ALMS1: variants seen among roughly 807,000 people sequenced by gnomAD.
ALMS1 encodes centrosome-associated protein ALMS1.
A neutral mutation model predicts 352.2 loss-of-function variants in ALMS1; 271 were observed. That is an observed-to-expected ratio of 0.77 (90% CI 0.70 to 0.85). The LOEUF is 0.85. Ranked by LOEUF, ALMS1 falls within the 40% of genes least tolerant of loss-of-function variation. The pLI is 0.00. For missense variants in ALMS1, 5,445 were observed against 4,870.7 expected (o/e 1.12, Z -3.51); for synonymous variants, 1,865 against 1,761.2 (o/e 1.06, Z -1.48).
intron 1 of ALMS1, among the ~76,000 whole-genome samples, chr2:73,393,099 A>G (rs1262921095): frequency 2.0e-5 from 3 of 152,144 alleles, no homozygotes; most frequent in Admixed American, 1.3e-4. Flanking sequence ...AGAAATATCT[A>G]TTCAGGTCAA....
chr2:73,494,101 GGCACTCA>G (rs1309543859), intron 10 of ALMS1, among the ~76,000 whole-genome samples: 1 of 152,184 alleles, frequency 6.6e-6, no homozygotes, highest in Non-Finnish European at 1.5e-5. Flanking sequence ...GATTCTATAA[GGCACTCA>G]TAATATGACA....
Position 73,412,249 on chromosome 2 carries a change from A to G in ALMS1, c.450+3502A>G, listed in dbSNP as rs75079162. On this transcript the variant is annotated intron_variant, in intron 2 of 22. Transcript: ENST00000613296. Reference sequence around the variant, plus strand: ...AGTTCCTGTGTGCCCCTTTGTAGTCAGTCACTTCCCCAACTCCTAGTCCCT... The same window carrying G: ...AGTTCCTGTGTGCCCCTTTGTAGTCGGTCACTTCCCCAACTCCTAGTCCCT... Among the ~76,000 whole-genome samples the G allele has an allele frequency of 1.2e-3, 186 of 152,338 alleles. No individual in the cohort carries two copies. In the East Asian group the frequency reaches 0.015, roughly 12 times the overall value.
In ALMS1 at chr2:73,448,152, T is replaced by C. The variant is rs1347176614; in HGVS notation, c.1625T>C (p.Leu542Ser). The change falls in exon 8 of 23, where the codon TTA becomes TCA. Residue 542 changes from leucine to serine, a missense_variant. Leu to Ser is a moderately radical substitution (Grantham distance 145). Transcript: ENST00000613296. The part of the protein sequence containing the change: ...QHTDTLNQKT[L>S]ADTHLTEETL... Reference sequence around the variant, plus strand: ...ACTGATACTCTCAACCAAAAGACATTAGCAGATACTCATCTAACTGAAGAG... The same window carrying C: ...ACTGATACTCTCAACCAAAAGACATCAGCAGATACTCATCTAACTGAAGAG... The C allele has an allele frequency of 6.2e-7, 1 of 1,614,038 alleles. No homozygotes were observed.
At position 73,554,432 on chromosome 2, in the gene ALMS1, G is replaced by A. The variant is rs117496887; in HGVS notation, c.10079-2788G>A. Among the ~76,000 whole-genome samples the A allele has an allele frequency of 5.8e-3, 888 of 152,092 alleles. 29 individuals carry two copies. The East Asian group carries it at 0.078, about 13-fold the overall frequency. ...GGAAATAGAGAAAGTAGGGCTGAGC[G>A]TGGTGGCTCATACCTGAAATCCCAG... On this transcript the variant is annotated intron_variant, in intron 13 of 22. Coordinates refer to ENST00000613296, the MANE Select transcript of ALMS1 (RefSeq NM_001378454.1).
intron 7 of ALMS1, among the ~76,000 whole-genome samples, chr2:73,445,773 T>C (rs1400067527): frequency 3.5e-5 from 2 of 57,228 alleles, no homozygotes; most frequent in Admixed American, 2.5e-4. Context: ...ACAACTTTGG[T>C]GTAGTATAGT....
intron 10 of ALMS1, among the ~76,000 whole-genome samples, chr2:73,503,270 C>T (rs1673253776): frequency 6.6e-6 from 1 of 151,932 alleles, no homozygotes; most frequent in Non-Finnish European, 1.5e-5. Context: ...CACAACAGTC[C>T]CCAGAGTGTG....
chr2:73,583,098 C>T (rs1401599133), intron 16 of ALMS1, among the ~76,000 whole-genome samples: 1 of 151,298 alleles, frequency 6.6e-6, no homozygotes, highest in Non-Finnish European at 1.5e-5. Context: ...TTTTGATTTG[C>T]ATTGCTCTTA....
intron 1 of ALMS1, 105 bp downstream of exon 1, chr2:73,386,297 C>T (rs1022489904): frequency 3.6e-6 from 5 of 1,394,758 alleles, no homozygotes; most frequent in East Asian, 2.8e-5. Flanking sequence ...ACGGAGAAAA[C>T]GCGCGCAGCT....
In ALMS1 at chr2:73,453,075, C is replaced by T; in HGVS notation, c.6548C>T (p.Thr2183Ile). ...GCTGATCAAATTACCGGATTACAAA[C>T]AGTTCCCTCTGGTACTTACTCACAT... ...GQADQITGLQTVPSGTYSHGE... is the reference protein window; with the variant it reads ...GQADQITGLQIVPSGTYSHGE... The change falls in exon 8 of 23, where the codon ACA (threonine) becomes ATA (isoleucine). Residue 2183 changes from threonine to isoleucine, a missense_variant. Transcript: ENST00000613296. 6.2e-7 allele frequency: 1 copy of T among 1,614,044 alleles called. No homozygotes were observed. Among genetic ancestry groups the T allele is most frequent in the African/African-American group, 1.3e-5 (1 of 75,066 alleles).
chr2:73,432,639 G>A (rs1427307935), intron 7 of ALMS1, among the ~76,000 whole-genome samples: 1 of 152,020 alleles, frequency 6.6e-6, no homozygotes, highest in African/African-American at 2.4e-5. Flanking sequence ...CTCTGGAGTC[G>A]TTTTTTGTAA....
At chr2:73,517,552 T>A (rs1673585987) in intron 10 of ALMS1, among the ~76,000 whole-genome samples, 1 of 152,068 alleles carries the variant, frequency 6.6e-6, no homozygotes, top group South Asian at 2.1e-4. Context: ...CAGGCCTTAT[T>A]TTCAAGTAAT....
Position 73,599,520 on chromosome 2 carries a change from A to G in ALMS1, c.11667A>G (p.Ala3889=), listed in dbSNP as rs767848384. The G allele has an allele frequency of 1.9e-6, 3 of 1,613,538 alleles. No homozygotes were observed. Among genetic ancestry groups the G allele is most frequent in the Non-Finnish European group, 2.5e-6 (3 of 1,179,658 alleles). The part of the protein sequence containing the change: ...NVHMLNKGIQ[A]GNLEIVNGAK... Reference sequence around the variant, plus strand: ...ACATGTTAAACAAGGGCATACAAGCAGGTAATTACTTGAATCTAAACTTTT... The same window carrying G: ...ACATGTTAAACAAGGGCATACAAGCGGGTAATTACTTGAATCTAAACTTTT... The change falls in exon 17 of 23, where the codon GCA becomes GCG. Residue 3889 remains alanine (A), a splice_region_variant and synonymous_variant. Transcript: ENST00000613296.
At chr2:73,511,747 G>T (rs989575129) in intron 10 of ALMS1, among the ~76,000 whole-genome samples, 12 of 152,208 alleles carry the variant, frequency 7.9e-5, no homozygotes, top group East Asian at 3.9e-4. Flanking sequence ...AGACATTTTT[G>T]ATTGTAATGA....
At chr2:73,404,493 G>A (rs1468514329) in intron 1 of ALMS1, among the ~76,000 whole-genome samples, 1 of 151,694 alleles carries the variant, frequency 6.6e-6, no homozygotes, top group Non-Finnish European at 1.5e-5. Context: ...AATAATGAAA[G>A]GGTGTTGAAT....
intron 16 of ALMS1, among the ~76,000 whole-genome samples, chr2:73,575,088 C>G (rs930913467): frequency 6.6e-6 from 1 of 152,180 alleles, no homozygotes. Context: ...CATGACATAA[C>G]ATGTATCAAT....
intron 1 of ALMS1, among the ~76,000 whole-genome samples, chr2:73,386,939 C>G (rs1189384355): frequency 1.3e-5 from 2 of 152,224 alleles, no homozygotes; most frequent in Non-Finnish European, 2.9e-5. Flanking sequence ...ACAGTAGCCA[C>G]TGGCCACGTG....
At chr2:73,418,703 C>T (rs1671227314) in intron 2 of ALMS1, among the ~76,000 whole-genome samples, 1 of 152,186 alleles carries the variant, frequency 6.6e-6, no homozygotes, top group Non-Finnish European at 1.5e-5. Flanking sequence ...AGCCACTTCT[C>T]ATGATACAGT....
At chr2:73,487,894 A>G (rs1672888552) in intron 9 of ALMS1, among the ~76,000 whole-genome samples, 2 of 152,038 alleles carry the variant, frequency 1.3e-5, no homozygotes, top group South Asian at 4.2e-4. Context: ...ATCTTTCAGC[A>G]GAGAAGAGAC....
chr2:73,507,474 G>A (rs866887066), intron 10 of ALMS1, among the ~76,000 whole-genome samples: 4 of 152,156 alleles, frequency 2.6e-5, no homozygotes, highest in Middle Eastern at 3.2e-3. Context: ...ACTGTTCAGG[G>A]ATTTGACTTC....
Sources: allele counts gnomAD v4.1 joint callset (sites outside exome capture counted in the v4.1 genomes callset), GRCh38; gene constraint gnomAD v4.1.1; transcripts MANE v1.5; gene names NCBI Gene and HGNC (gene_info 2026-07-23, HGNC 2026-07-21).